Variants in SEC63 observed in about 807,000 individuals in gnomAD.
SEC63 encodes SEC63 protein translocation regulator.
In SEC63, 56 loss-of-function variants were observed where a neutral mutation model predicts 116.2. The observed-to-expected ratio is 0.48, with a 90% CI of 0.39 to 0.60. The LOEUF (loss-of-function observed/expected upper bound fraction) is 0.60, where lower values mean the gene tolerates loss of function less well. Among genes scored for constraint, SEC63 ranks in the 20% least tolerant of loss-of-function variants. SEC63 has a pLI of 0.00. For missense variants in SEC63, 668 were observed against 900.0 expected, an observed-to-expected ratio of 0.74 and a Z score of 3.30; for synonymous variants, 273 against 294.6, an observed-to-expected ratio of 0.93 and a Z score of 0.75.
rs1562318891 is a variant in SEC63 at position 107,893,661 on chromosome 6, A to C, written c.1501-6T>G. Reference sequence around the variant, plus strand: ...TTCTTGTTAGTTTCACCCTGCTGTGAATCATAACACGTCACACTCTTAAGT... The same window carrying C: ...TTCTTGTTAGTTTCACCCTGCTGTGCATCATAACACGTCACACTCTTAAGT... On this transcript the variant is annotated splice_polypyrimidine_tract_variant and splice_region_variant and intron_variant, in intron 15 of 20. Transcript: ENST00000369002. The C allele has an allele frequency of 6.2e-7, 1 of 1,613,812 alleles. No individual in the cohort carries two copies.
intron 2 of SEC63, among the ~76,000 whole-genome samples, chr6:107,928,394 T>TGG (rs1045677071): frequency 1.3e-5 from 2 of 150,222 alleles, no homozygotes; most frequent in African/African-American, 4.9e-5. Flanking sequence ...GAGGCTGAGG[T>TGG]GGGAGGATGC....
At chr6:107,879,216 T>C (rs568978472) in intron 18 of SEC63, among the ~76,000 whole-genome samples, 1 of 152,358 alleles carries the variant, frequency 6.6e-6, no homozygotes, top group South Asian at 2.1e-4. Context: ...AAGGCTGGAA[T>C]GCAATGGCAC....
chr6:107,895,962 C>T (rs1294588952), intron 14 of SEC63, among the ~76,000 whole-genome samples: 1 of 151,588 alleles, frequency 6.6e-6, no homozygotes, highest in Non-Finnish European at 1.5e-5. Flanking sequence ...GACAGGCATT[C>T]GAGACCAGCC....
chr6:107,916,888 A>G (rs1428273072), intron 4 of SEC63, among the ~76,000 whole-genome samples: 1 of 152,182 alleles, frequency 6.6e-6, no homozygotes, highest in Admixed American at 6.5e-5. Flanking sequence ...TGAGACACAC[A>G]AGATTCAAAT....
rs145607851 is a variant in SEC63, at chr6:107,871,353, G to A, written c.*351C>T. ...AACTAAAGCTGAACAAAGAAAAGTCGCTCATTTACAGACTGTGTTTCCTGC... is the reference window on the plus strand; with the variant it reads ...AACTAAAGCTGAACAAAGAAAAGTCACTCATTTACAGACTGTGTTTCCTGC... On this transcript the variant is annotated 3_prime_UTR_variant, in exon 21 of 21. Transcript: ENST00000369002. 1.1e-3 allele frequency: 253 copies of A among 233,096 alleles called. No homozygotes were observed. Among genetic ancestry groups the A allele is most frequent in the African/African-American group, 5.1e-3 (224 of 44,032 alleles). The allele number at this position is 233,096 out of a possible 1,614,324, so 14.4% of individuals were successfully genotyped here. A position where few individuals can be genotyped will look rare whatever the true frequency, so the allele number is the denominator to read the frequency against.
chr6:107,938,536 C>T (rs1476871834), intron 1 of SEC63, among the ~76,000 whole-genome samples: 22 of 151,472 alleles, frequency 1.5e-4, no homozygotes, highest in Admixed American at 1.4e-3. Flanking sequence ...TGAGACACCA[C>T]ATCTGGCCCC....
At chr6:107,915,521 T>C (rs565053643) in intron 4 of SEC63, among the ~76,000 whole-genome samples, 1 of 152,214 alleles carries the variant, frequency 6.6e-6, no homozygotes, top group Admixed American at 6.5e-5. Context: ...CCACTTGCTA[T>C]ACAATAGCTT....
chr6:107,908,867 A>T, intron 8 of SEC63, 60 bp downstream of exon 8: 1 of 888,432 alleles, frequency 1.1e-6, no homozygotes, highest in Non-Finnish European at 1.9e-6. Flanking sequence ...AATATATATC[A>T]ACCCCACATA....
chr6:107,947,062 C>T (rs1392637840), intron 1 of SEC63, among the ~76,000 whole-genome samples: 1 of 151,970 alleles, frequency 6.6e-6, no homozygotes, highest in Non-Finnish European at 1.5e-5. Flanking sequence ...CCTTTGAATA[C>T]AAAGCTGATA....
At chr6:107,934,896 G>A (rs1258796212) in intron 1 of SEC63, among the ~76,000 whole-genome samples, 1 of 22,094 alleles carries the variant, frequency 4.5e-5, no homozygotes, top group African/African-American at 2.7e-4. Flanking sequence ...GGAGGGAGGT[G>A]GGGGTCAGCC....
chr6:107,948,392 A>G (rs1770518316), intron 1 of SEC63, among the ~76,000 whole-genome samples: 1 of 152,180 alleles, frequency 6.6e-6, no homozygotes, highest in Non-Finnish European at 1.5e-5. Flanking sequence ...CTCATGAATA[A>G]AATGAGATAA....
chr6:107,913,835 A>G (rs1787340076), intron 4 of SEC63, among the ~76,000 whole-genome samples: 1 of 152,224 alleles, frequency 6.6e-6, no homozygotes, highest in Admixed American at 6.5e-5. Flanking sequence ...TACATTAGTA[A>G]TGATAAATAC....
intron 12 of SEC63, 87 bp downstream of exon 12, chr6:107,902,757 A>G: frequency 8.0e-7 from 1 of 1,245,774 alleles, no homozygotes; most frequent in Non-Finnish European, 1.2e-6. Flanking sequence ...AATGCATAGT[A>G]ACCATTTCCA....
chr6:107,886,359 C>T (rs1786528983), intron 16 of SEC63, among the ~76,000 whole-genome samples: 1 of 152,116 alleles, frequency 6.6e-6, no homozygotes, highest in Non-Finnish European at 1.5e-5. Flanking sequence ...ATTTATAATC[C>T]TTTGGGTATA....
chr6:107,909,668 G>A lies in SEC63; in HGVS notation c.625-633C>T, dbSNP rs190854838. ...AACTACCCACTGCTATAAGCACCAA[G>A]CTGGTTCTTGACACACAGCATGTCT... On this transcript the variant is annotated intron_variant, in intron 7 of 20. Transcript: ENST00000369002. 5.3e-5 allele frequency among the ~76,000 whole-genome samples: 8 copies of A among 152,262 alleles called. No homozygotes were observed. In the East Asian group the frequency reaches 1.5e-3, roughly 29 times the overall value.
chr6:107,922,063 C>T (rs1787570783), intron 3 of SEC63, among the ~76,000 whole-genome samples, 154 bp from the exon 4 acceptor site: 1 of 111,906 alleles, frequency 8.9e-6, no homozygotes, highest in Admixed American at 1.1e-4. Context: ...ATATTTTTCC[C>T]ATAAATTTCA....
chr6:107,923,517 A>C (rs984108736), intron 3 of SEC63, among the ~76,000 whole-genome samples: 10 of 151,938 alleles, frequency 6.6e-5, no homozygotes, highest in Non-Finnish European at 1.2e-4. Flanking sequence ...AATGACATTA[A>C]TGATACTAGT....
intron 5 of SEC63, 124 bp from the exon 6 acceptor site, chr6:107,912,898 G>C (rs1029888866): frequency 1.2e-5 from 9 of 762,094 alleles, no homozygotes; most frequent in African/African-American, 3.5e-5. Flanking sequence ...AACAAACTTT[G>C]AGAAAGATTA....
At chr6:107,897,193 A>G (rs1172495196) in intron 14 of SEC63, among the ~76,000 whole-genome samples, 1 of 152,202 alleles carries the variant, frequency 6.6e-6, no homozygotes, top group African/African-American at 2.4e-5. Flanking sequence ...ATTTGTTCCT[A>G]TACTTTTCTG....
Sources: allele counts gnomAD v4.1 joint callset (sites outside exome capture counted in the v4.1 genomes callset), GRCh38; gene constraint gnomAD v4.1.1; transcripts MANE v1.5; gene names NCBI Gene and HGNC (gene_info 2026-07-23, HGNC 2026-07-21).